ANOS1: variants seen among roughly 807,000 people sequenced by gnomAD.
The protein encoded by ANOS1 is anosmin 1.
Under a neutral mutation model 59.0 loss-of-function variants are expected in ANOS1, and 6 were observed. That is an observed-to-expected ratio of 0.10 (90% CI 0.06 to 0.20). The LOEUF is 0.20. Among genes scored for constraint, ANOS1 ranks in the 10% least tolerant of loss-of-function variants. The pLI, the probability that ANOS1 is intolerant of heterozygous loss-of-function variation, is 1.00. For synonymous variants in ANOS1, 217 were observed against 223.4 expected (o/e 0.97, Z 0.25); for missense variants, 433 against 542.3 (o/e 0.80, Z 2.00).
At chrX:8,716,386 A>T (rs1932842090) in intron 1 of ANOS1, among the ~76,000 whole-genome samples, 1 of 112,137 alleles carries the variant, frequency 8.9e-6, no homozygotes, top group Non-Finnish European at 1.9e-5. Flanking sequence ...TATTCAGAAG[A>T]TGAAAACTTG....
At chrX:8,676,121 T>C (rs1285303568) in intron 2 of ANOS1, among the ~76,000 whole-genome samples, 1 of 111,617 alleles carries the variant, frequency 9.0e-6, no homozygotes, top group South Asian at 3.8e-4. Context: ...TTTACTTCTG[T>C]AAGCAAAATG....
chrX:8,726,455 G>A (rs1245006523), intron 1 of ANOS1, among the ~76,000 whole-genome samples: 1 of 111,836 alleles, frequency 8.9e-6, no homozygotes, highest in African/African-American at 3.3e-5. Context: ...CTTCCAGCAG[G>A]ATCCCATCCA....
chrX:8,624,747 CATATA>C (rs761044218), intron 2 of ANOS1, among the ~76,000 whole-genome samples: 20 of 110,305 alleles, frequency 1.8e-4, no homozygotes, highest in Non-Finnish European at 3.8e-4. Flanking sequence ...ATTATATGCA[CATATA>C]ATATAGTTTA....
intron 1 of ANOS1, among the ~76,000 whole-genome samples, chrX:8,720,440 A>T (rs138851442): frequency 1.1e-3 from 127 of 112,364 alleles, no homozygotes; most frequent in African/African-American, 4.0e-3. Flanking sequence ...GCAATTGACA[A>T]AAACAAAAAA....
At chrX:8,659,529 T>TTC (rs1386299089) in intron 2 of ANOS1, among the ~76,000 whole-genome samples, 13 of 98,153 alleles carry the variant, frequency 1.3e-4, no homozygotes, top group African/African-American at 5.5e-4. Context: ...TTTTCTTTCT[T>TTC]TCTTTCTCTT....
At chrX:8,730,736 T>C (rs183764642) in intron 1 of ANOS1, among the ~76,000 whole-genome samples, 2,624 of 111,127 alleles carry the variant, frequency 0.024, 92 homozygotes, top group African/African-American at 0.08. Flanking sequence ...AAGCGAGAAA[T>C]TGGGAACTTG....
intron 6 of ANOS1, among the ~76,000 whole-genome samples, chrX:8,583,806 T>C (rs917498009): frequency 8.9e-6 from 1 of 112,018 alleles, no homozygotes; most frequent in Non-Finnish European, 1.9e-5. Context: ...AAAGTCCACT[T>C]AAATTTGGGA....
intron 1 of ANOS1, among the ~76,000 whole-genome samples, chrX:8,710,664 G>A (rs1161661600): frequency 1.8e-5 from 2 of 112,002 alleles, no homozygotes; most frequent in Admixed American, 9.5e-5. Context: ...CAGTGTCCCT[G>A]TAACATGTTA....
chrX:8,603,997 C>T (rs1249760580), intron 3 of ANOS1, among the ~76,000 whole-genome samples: 1 of 111,736 alleles, frequency 8.9e-6, no homozygotes, highest in Admixed American at 9.5e-5. Context: ...TATCACATCC[C>T]TCACTCTACC....
At chrX:8,710,501 A>T in intron 1 of ANOS1, among the ~76,000 whole-genome samples, 1 of 112,178 alleles carries the variant, frequency 8.9e-6, no homozygotes, top group Non-Finnish European at 1.9e-5. Flanking sequence ...AAATGGTAGC[A>T]TTCTGACTCA....
intron 3 of ANOS1, among the ~76,000 whole-genome samples, chrX:8,611,885 A>AAGAATTCT (rs1161858165): frequency 9.0e-6 from 1 of 111,703 alleles, no homozygotes; most frequent in Non-Finnish European, 1.9e-5. Flanking sequence ...ACAAAGAATG[A>AAGAATTCT]AGAATTCTAG....
chrX:8,714,099 T>A (rs1474818082), intron 1 of ANOS1, among the ~76,000 whole-genome samples: 1 of 112,061 alleles, frequency 8.9e-6, no homozygotes, highest in African/African-American at 3.2e-5. Context: ...GTAACAACAT[T>A]CAGGGCGGTC....
intron 1 of ANOS1, among the ~76,000 whole-genome samples, chrX:8,701,907 G>T (rs1932758356): frequency 9.0e-6 from 1 of 111,312 alleles, no homozygotes; most frequent in Non-Finnish European, 1.9e-5. Context: ...AAAAGATCTC[G>T]GTCCCATATG....
chrX:8,704,612 T>C (rs970609564), intron 1 of ANOS1, among the ~76,000 whole-genome samples: 1 of 112,645 alleles, frequency 8.9e-6, no homozygotes, highest in Non-Finnish European at 1.9e-5. Context: ...AAAAACTCTG[T>C]CATTACAAAG....
intron 2 of ANOS1, among the ~76,000 whole-genome samples, chrX:8,647,995 A>C (rs1325862097): frequency 8.9e-6 from 1 of 112,434 alleles, no homozygotes; most frequent in Non-Finnish European, 1.9e-5. Flanking sequence ...TAGTGTTATA[A>C]ATTGATAAAT....
At chrX:8,636,439 A>C (rs925146386) in intron 2 of ANOS1, among the ~76,000 whole-genome samples, 5 of 112,160 alleles carry the variant, frequency 4.5e-5, no homozygotes, top group African/African-American at 1.6e-4. Flanking sequence ...TGTTTATATC[A>C]GTAATATATA....
intron 4 of ANOS1, 52 bp from the exon 5 acceptor site, chrX:8,588,030 G>A (rs765572494): frequency 4.8e-6 from 5 of 1,047,309 alleles, no homozygotes; most frequent in Non-Finnish European, 6.6e-6. Context: ...TCAAATTGAA[G>A]TAAAAGTTGA....
intron 2 of ANOS1, among the ~76,000 whole-genome samples, chrX:8,687,593 AACAC>A (rs58384646): frequency 0.013 from 1,235 of 95,630 alleles, 18 homozygotes; most frequent in African/African-American, 0.043. Context: ...TAATCCAGTA[AACAC>A]ACACACACAC....
chrX:8,647,634 T>G (rs1320108075), intron 2 of ANOS1, among the ~76,000 whole-genome samples: 1 of 112,182 alleles, frequency 8.9e-6, no homozygotes, highest in Non-Finnish European at 1.9e-5. Context: ...TTCTGGAATC[T>G]TTATGTAAAA....
Sources: allele counts gnomAD v4.1 joint callset (sites outside exome capture counted in the v4.1 genomes callset), GRCh38; gene constraint gnomAD v4.1.1; transcripts MANE v1.5; gene names NCBI Gene and HGNC (gene_info 2026-07-23, HGNC 2026-07-21).